Variants in SLC6A19 observed in about 807,000 individuals in gnomAD.
The protein encoded by SLC6A19 is solute carrier family 6 member 19, also known as sodium-dependent neutral amino acid transporter B(0)AT1.
SLC6A19 carries 67 observed loss-of-function variants against 68.3 expected under a neutral mutation model. The observed-to-expected ratio is 0.98, with a 90% confidence interval of 0.81 to 1.20. The LOEUF is 1.20. Among genes scored for constraint, SLC6A19 ranks in the 50% most tolerant of loss-of-function variants. SLC6A19 has a pLI of 0.00. For missense variants in SLC6A19, 813 were observed against 851.6 expected, an observed-to-expected ratio of 0.95 and a Z score of 0.56; for synonymous variants, 392 against 374.9, an observed-to-expected ratio of 1.05 and a Z score of -0.53.
intron 3 of SLC6A19, among the ~76,000 whole-genome samples, chr5:1,211,068 T>G (rs1365454876): frequency 6.6e-6 from 1 of 152,070 alleles, no homozygotes; most frequent in African/African-American, 2.4e-5. Flanking sequence ...TGACATGCAA[T>G]CAGCTCACGG....
intron 8 of SLC6A19, among the ~76,000 whole-genome samples, chr5:1,217,529 C>T (rs1486019784): frequency 1.3e-5 from 2 of 152,188 alleles, no homozygotes; most frequent in Non-Finnish European, 2.9e-5. Flanking sequence ...GGGCATGAGG[C>T]ACTTCAGGGC....
chr5:1,221,430 C>T, intron 11 of SLC6A19, 117 bp downstream of exon 11: 1 of 1,291,016 alleles, frequency 7.7e-7, no homozygotes, highest in Non-Finnish European at 1.1e-6. Flanking sequence ...CACATGGGCA[C>T]ACACACTCAC....
rs200488896 is a variant in SLC6A19, at chr5:1,212,330, C to T, written c.509C>T (p.Ser170Phe). 9.6e-5 allele frequency: 155 copies of T among 1,613,648 alleles called. 2 individuals carry two copies. The East Asian group carries it at 3.2e-3, about 34-fold the overall frequency. Reference sequence around the variant, plus strand: ...TATGTGGACGAGTGCGCCAGGAGCTCCCCTGTGGACTACTTCTGGTACCGA... The same window carrying T: ...TATGTGGACGAGTGCGCCAGGAGCTTCCCTGTGGACTACTTCTGGTACCGA... ...TGYVDECARS[S>F]PVDYFWYRET... Residue 170 changes from serine to phenylalanine, a missense_variant, in exon 4 of 12, where the codon TCC becomes TTC. Coordinates refer to ENST00000304460, the MANE Select transcript of SLC6A19 (RefSeq NM_001003841.3). This position sits in a 1 kb window ranked among gnomAD's most constrained non-coding sequence, Gnocchi z 5.1.
Position 1,221,967 on chromosome 5 carries a change from T to G in SLC6A19, c.*63T>G. The G allele has an allele frequency of 1.3e-6, 2 of 1,581,428 alleles. No homozygotes were observed. Among genetic ancestry groups the G allele is most frequent in the Non-Finnish European group, 1.7e-6 (2 of 1,158,124 alleles). On this transcript the variant is annotated 3_prime_UTR_variant, in exon 12 of 12. Coordinates refer to ENST00000304460, the MANE Select transcript of SLC6A19 (RefSeq NM_001003841.3). ...GGGAAGGAGGAACCAGCAAGACCTGTGGGGTGGGGGCCGGGCTGCACCTGC... is the reference window on the plus strand; with the variant it reads ...GGGAAGGAGGAACCAGCAAGACCTGGGGGGTGGGGGCCGGGCTGCACCTGC...
At chr5:1,203,259 CA>C (rs1460402474) in intron 1 of SLC6A19, among the ~76,000 whole-genome samples, 1 of 152,188 alleles carries the variant, frequency 6.6e-6, no homozygotes, top group Non-Finnish European at 1.5e-5. Flanking sequence ...CGGGCTTGGG[CA>C]GGAATCTGAT....
At chr5:1,211,621 T>C (rs1746030485) in intron 3 of SLC6A19, among the ~76,000 whole-genome samples, 1 of 152,226 alleles carries the variant, frequency 6.6e-6, no homozygotes. Flanking sequence ...GGTACAGCTG[T>C]GCATGTGTGC....
In SLC6A19 at chr5:1,208,839, G is replaced by T; in HGVS notation, c.296G>T (p.Gly99Val). 6.2e-7 allele frequency: 1 copy of T among 1,613,028 alleles called. No individual in the cohort carries two copies. The highest frequency in any genetic ancestry group is 8.5e-7 in the Non-Finnish European group (1 of 1,179,980). ...GCCATCGGGCAGCGGCTGCGGCGGG[G>T]CAGCCTGGGTGTGTGGAGCTCCATC... Reference protein sequence around the residue: ...EFAIGQRLRRGSLGVWSSIHP... With the variant: ...EFAIGQRLRRVSLGVWSSIHP... The change falls in exon 2 of 12, where the codon GGC becomes GTC. Residue 99 changes from glycine to valine, a missense_variant. Physicochemically the swap from Gly to Val is moderately radical, Grantham distance 109 (BLOSUM62 -3). Coordinates refer to ENST00000304460, the MANE Select transcript of SLC6A19 (RefSeq NM_001003841.3).
chr5:1,211,191 G>A (rs147579867), intron 3 of SLC6A19, among the ~76,000 whole-genome samples: 1,530 of 152,324 alleles, frequency 0.01, 19 homozygotes, highest in South Asian at 0.028. Flanking sequence ...TGTCGGGGCC[G>A]GCAAGATGGC....
intron 6 of SLC6A19, 73 bp from the exon 7 acceptor site, chr5:1,216,485 C>T (rs899775535): frequency 1.6e-5 from 25 of 1,606,426 alleles, no homozygotes; most frequent in Middle Eastern, 3.4e-4. Context: ...GGGCGGGATG[C>T]GGATGCTGCC....
chr5:1,206,265 G>A (rs1486914947), intron 1 of SLC6A19, among the ~76,000 whole-genome samples: 1 of 140,944 alleles, frequency 7.1e-6, no homozygotes, highest in East Asian at 1.9e-4. Context: ...CCATCGCCCT[G>A]TCTGTTTCTC....
chr5:1,221,586 A>T, intron 11 of SLC6A19, 115 bp from the exon 12 acceptor site: 2 of 1,361,926 alleles, frequency 1.5e-6, no homozygotes, highest in South Asian at 2.4e-5. Flanking sequence ...GCCCCAGGCC[A>T]CCCTGCCTGC....
rs1561167126 is a variant in SLC6A19, at chr5:1,215,794, T to C, written c.888-764T>C. 6.6e-6 allele frequency among the ~76,000 whole-genome samples: 1 copy of C among 152,216 alleles called. No homozygotes were observed. The highest frequency in any genetic ancestry group is 1.9e-4 in the East Asian group (1 of 5,196). On this transcript the variant is annotated intron_variant, in intron 6 of 11. Coordinates refer to ENST00000304460, the MANE Select transcript of SLC6A19 (RefSeq NM_001003841.3). The surrounding 1 kb of genome is among the most constrained non-coding windows in gnomAD (Gnocchi z 5.1). Reference sequence around the variant, plus strand: ...TCATGCTGGCCTCTACATGCAGTCCTTCGAGGAGCTGTCAGGCTGTTTTCC... The same window carrying C: ...TCATGCTGGCCTCTACATGCAGTCCCTCGAGGAGCTGTCAGGCTGTTTTCC...
rs181102321 is a variant in SLC6A19 at position 1,212,148 on chromosome 5, G to A, written c.482-155G>A. On this transcript the variant is annotated intron_variant, in intron 3 of 11. Coordinates refer to ENST00000304460, the MANE Select transcript of SLC6A19 (RefSeq NM_001003841.3). This position sits in a 1 kb window ranked among gnomAD's most constrained non-coding sequence, Gnocchi z 5.1. ...TGTGCGTGCATGCATGTGCGTGCAC[G>A]TGAGCATGTGTGCCTGTGTTCATGT... Among the ~76,000 whole-genome samples the A allele has an allele frequency of 1.3e-5, 2 of 152,242 alleles. No homozygotes were observed. The highest frequency in any genetic ancestry group is 3.9e-4 in the East Asian group (2 of 5,188).
chr5:1,219,857 C>T (rs1045537980), intron 10 of SLC6A19, among the ~76,000 whole-genome samples, 193 bp downstream of exon 10: 1 of 152,068 alleles, frequency 6.6e-6, no homozygotes, highest in Admixed American at 6.6e-5. Flanking sequence ...CCTGGCATGC[C>T]GATAATGGGA....
intron 1 of SLC6A19, among the ~76,000 whole-genome samples, chr5:1,204,710 C>T (rs900614768): frequency 1.3e-5 from 2 of 152,208 alleles, no homozygotes; most frequent in African/African-American, 2.4e-5. Context: ...TGATGGTGTC[C>T]GTGAGCGAGG....
chr5:1,203,418 G>A (rs1392785222), intron 1 of SLC6A19, among the ~76,000 whole-genome samples: 5 of 152,140 alleles, frequency 3.3e-5, no homozygotes, highest in African/African-American at 1.2e-4. Context: ...GCGGGCAGCG[G>A]GCAGCGGGCA....
chr5:1,215,364 T>C lies in SLC6A19; in HGVS notation c.888-1194T>C, dbSNP rs1364940496. Among the ~76,000 whole-genome samples, 3 of 152,116 alleles carry C rather than the reference T, an allele frequency of 2.0e-5. No homozygotes were observed. The highest frequency in any genetic ancestry group is 2.9e-5 in the Non-Finnish European group (2 of 68,000). Reference sequence around the variant, plus strand: ...ATCAGCACTGTCCAGTTCTAGAAGGTTCCAATCAGCAAAAGCTCCACATAT... The same window carrying C: ...ATCAGCACTGTCCAGTTCTAGAAGGCTCCAATCAGCAAAAGCTCCACATAT... On this transcript the variant is annotated intron_variant, in intron 6 of 11. Transcript: ENST00000304460. The surrounding 1 kb of genome is among the most constrained non-coding windows in gnomAD (Gnocchi z 5.1).
rs56820463 is a variant in SLC6A19, at chr5:1,222,200, T to G, written c.*296T>G. ...AGATGTGTCATGTTGTGTGTGTGCA[T>G]GTACATGTATGGACATTGTGTGAGT... On this transcript the variant is annotated 3_prime_UTR_variant, in exon 12 of 12. Coordinates refer to ENST00000304460, the MANE Select transcript of SLC6A19 (RefSeq NM_001003841.3). 20 of 591,938 alleles carry G rather than the reference T, an allele frequency of 3.4e-5. No individual in the cohort carries two copies. The highest frequency in any genetic ancestry group is 3.3e-4 in the African/African-American group (18 of 53,832). The allele number at this position is 591,938 out of a possible 1,614,324, so 36.7% of individuals were successfully genotyped here.
chr5:1,209,711 A>C lies in SLC6A19; in HGVS notation c.344-733A>C, dbSNP rs1316881133. ...CTCCTCCTCTCTCTCTCTCCCTCTC[A>C]GTCTCTGTCTTTTTTTCTTTCCCCC... On this transcript the variant is annotated intron_variant, in intron 2 of 11. Coordinates refer to ENST00000304460, the MANE Select transcript of SLC6A19 (RefSeq NM_001003841.3). This position sits in a 1 kb window ranked among gnomAD's most constrained non-coding sequence, Gnocchi z 5.5. 8.4e-5 allele frequency among the ~76,000 whole-genome samples: 10 copies of C among 118,818 alleles called. No homozygotes were observed. The highest frequency in any genetic ancestry group is 3.4e-5 in the African/African-American group (1 of 29,648). 77.9% of individuals were successfully genotyped at this position (118,818 alleles called of 152,430 possible).
Sources: gnomAD v4.1 joint callset for allele counts (sites outside exome capture counted in the v4.1 genomes callset) on GRCh38, gnomAD v4.1.1 for gene constraint, Gnocchi (gnomAD v3.1) non-coding constraint, MANE v1.5 for transcripts, NCBI Gene and HGNC (gene_info 2026-07-23, HGNC 2026-07-21) for gene names.